TULP4: variants seen among roughly 807,000 people sequenced by gnomAD.
TULP4 encodes tubby-related protein 4.
A neutral mutation model predicts 129.0 loss-of-function variants in TULP4; 16 were observed. That is an observed-to-expected ratio of 0.12 (90% CI 0.08 to 0.19). The LOEUF is 0.19. Ranked by LOEUF, TULP4 falls within the 10% of genes least tolerant of loss-of-function variation. The pLI is 1.00. For missense variants in TULP4, 1,842 were observed against 2,059.1 expected, an observed-to-expected ratio of 0.89 and a Z score of 2.04; for synonymous variants, 998 against 854.0, an observed-to-expected ratio of 1.17 and a Z score of -2.94.
intron 1 of TULP4, among the ~76,000 whole-genome samples, chr6:158,333,938 CTT>C (rs1779974522): frequency 6.6e-6 from 1 of 152,138 alleles, no homozygotes; most frequent in Admixed American, 6.5e-5. Flanking sequence ...ACTGCATAAA[CTT>C]AACTGTAGTA....
At chr6:158,385,842 C>CTTTCTT (rs1777432150) in intron 1 of TULP4, among the ~76,000 whole-genome samples, 1 of 59,576 alleles carries the variant, frequency 1.7e-5, no homozygotes, top group African/African-American at 7.2e-5. Context: ...TGTGGAATAT[C>CTTTCTT]TTTTTTTTTT....
At chr6:158,312,278 A>G (rs7741924), upstream of TULP4, 349,926 of 395,628 alleles carry the variant, frequency 0.88, 155,279 homozygotes, top group Admixed American at 0.92. Context: ...GCAACTTGAC[A>G]CCAGTGGGCT....
intron 1 of TULP4, among the ~76,000 whole-genome samples, chr6:158,376,454 G>A (rs1483842624): frequency 6.6e-6 from 1 of 152,186 alleles, no homozygotes; most frequent in South Asian, 2.1e-4. Flanking sequence ...TATGTCCGGG[G>A]GGAGAGAAAT....
intron 6 of TULP4, among the ~76,000 whole-genome samples, chr6:158,463,485 A>G (rs661077): frequency 0.42 from 63,271 of 151,392 alleles, 14,521 homozygotes; most frequent in African/African-American, 0.62. Flanking sequence ...ATCACACACC[A>G]GGGCCTGTTG....
intron 3 of TULP4, among the ~76,000 whole-genome samples, chr6:158,443,449 G>A (rs1398186001): frequency 1.3e-5 from 2 of 152,112 alleles, no homozygotes; most frequent in African/African-American, 4.8e-5. Context: ...TCTGTAGTCA[G>A]ACTATTCTCT....
intron 4 of TULP4, among the ~76,000 whole-genome samples, chr6:158,449,712 A>G (rs1034498614): frequency 3.2e-4 from 48 of 152,142 alleles, no homozygotes; most frequent in Middle Eastern, 3.4e-3. Context: ...CCTCAGGTCT[A>G]AAAGACCTAC....
intron 2 of TULP4, among the ~76,000 whole-genome samples, chr6:158,415,435 C>T (rs1216115493): frequency 6.6e-6 from 1 of 150,904 alleles, no homozygotes; most frequent in Non-Finnish European, 1.5e-5. Context: ...CTGCAAGCTC[C>T]GCCTCCCGGG....
intron 2 of TULP4, among the ~76,000 whole-genome samples, chr6:158,418,815 T>C (rs1322406607): frequency 6.6e-6 from 1 of 152,176 alleles, no homozygotes; most frequent in Non-Finnish European, 1.5e-5. Flanking sequence ...CATCCTCTAT[T>C]ACCAGTTTTT....
intron 5 of TULP4, among the ~76,000 whole-genome samples, chr6:158,453,082 G>C (rs1049017565): frequency 1.3e-5 from 2 of 152,162 alleles, no homozygotes; most frequent in Admixed American, 6.5e-5. Context: ...GTAACTCGCT[G>C]CTGTCATTCA....
intron 2 of TULP4, among the ~76,000 whole-genome samples, chr6:158,422,913 G>A (rs1778382447): frequency 6.6e-6 from 1 of 152,242 alleles, no homozygotes; most frequent in African/African-American, 2.4e-5. Context: ...GACAAGGGCC[G>A]GAAGGCGCCC....
chr6:158,464,282 T>G (rs1465703687), intron 6 of TULP4, among the ~76,000 whole-genome samples: 1 of 152,144 alleles, frequency 6.6e-6, no homozygotes, highest in African/African-American at 2.4e-5. Flanking sequence ...AAGGCACATG[T>G]TGGTTAAGCC....
At chr6:158,484,691 C>T (rs192470707) in intron 8 of TULP4, among the ~76,000 whole-genome samples, 185 of 152,258 alleles carry the variant, frequency 1.2e-3, no homozygotes, top group Non-Finnish European at 1.7e-3. Context: ...GAGGACACAG[C>T]GAAAAGACAG....
At chr6:158,315,221 A>G (rs912284557) in intron 1 of TULP4, among the ~76,000 whole-genome samples, 7 of 152,160 alleles carry the variant, frequency 4.6e-5, no homozygotes, top group Non-Finnish European at 1.0e-4. Context: ...TAAACAGTAG[A>G]AATTTATTTC....
rs758485455 is a variant in TULP4, at chr6:158,493,579, C to G, written c.1638C>G (p.Ser546Arg). ...ASKSPKLPRI[S>R]IEARKSPKLP... ...CCTGGCCTTGCCTCCCCAGGATCAGCATTGAGGCCCGCAAGTCACCCAAGC... is the reference window on the plus strand; with the variant it reads ...CCTGGCCTTGCCTCCCCAGGATCAGGATTGAGGCCCGCAAGTCACCCAAGC... Residue 546 changes from serine to arginine, a missense_variant, in exon 10 of 14, where the codon AGC becomes AGG. By Grantham distance (110) the Ser-to-Arg change is moderately radical. Around this residue, in one of 5 missense-constraint regions of TULP4, gnomAD observed 456 missense variants for 534.3 expected, o/e 0.85. Transcript: ENST00000367097. The surrounding 1 kb of genome is among the most constrained non-coding windows in gnomAD (Gnocchi z 4.4). 5.2e-6 allele frequency: 8 copies of G among 1,536,820 alleles called. No individual in the cohort carries two copies. The highest frequency in any genetic ancestry group is 7.0e-6 in the Non-Finnish European group (8 of 1,142,350).
At chr6:158,232,696 C>G (rs890489138) in intron 1 of TULP4, among the ~76,000 whole-genome samples, 1 of 152,074 alleles carries the variant, frequency 6.6e-6, no homozygotes, top group Non-Finnish European at 1.5e-5. Context: ...CAGAAAATCC[C>G]TGAAAACGGT....
At chr6:158,427,062 G>A (rs1293654587) in intron 2 of TULP4, among the ~76,000 whole-genome samples, 2 of 152,120 alleles carry the variant, frequency 1.3e-5, no homozygotes, top group African/African-American at 4.8e-5. Context: ...ATTTTTGTAT[G>A]TTGATTTCGT....
intron 1 of TULP4, among the ~76,000 whole-genome samples, chr6:158,234,064 G>A (rs1256897198): frequency 6.6e-6 from 1 of 152,166 alleles, no homozygotes; most frequent in Non-Finnish European, 1.5e-5. Flanking sequence ...AGTCATGATT[G>A]CTTCCTGTGG....
upstream of TULP4, among the ~76,000 whole-genome samples, chr6:158,311,505 T>A (rs746926015): frequency 2.6e-5 from 4 of 152,212 alleles, no homozygotes; most frequent in South Asian, 2.1e-4. Context: ...TTATTGCTGG[T>A]AGACCACATA....
rs1270785864 is a variant in TULP4 at position 158,448,076 on chromosome 6, T to C, written c.544-920T>C. Among the ~76,000 whole-genome samples the C allele has an allele frequency of 2.0e-5, 3 of 152,178 alleles. No individual in the cohort carries two copies. The East Asian group carries it at 5.8e-4, about 29-fold the overall frequency. On this transcript the variant is annotated intron_variant, in intron 3 of 13. Coordinates refer to ENST00000367097, the MANE Select transcript of TULP4 (RefSeq NM_020245.5). ...ACCACTAGTGTTGTTGGTTGGTTGG[T>C]GGCGGCAGGGGGGATGTTCAGCAGC... is the stretch of plus-strand genomic sequence containing the variant.
Sources: gnomAD v4.1 joint callset for allele counts (sites outside exome capture counted in the v4.1 genomes callset) on GRCh38, gnomAD v4.1.1 for gene constraint, gnomAD v4.1.1 regional missense constraint, Gnocchi (gnomAD v3.1) non-coding constraint, MANE v1.5 for transcripts, NCBI Gene and HGNC (gene_info 2026-07-23, HGNC 2026-07-21) for gene names.